The following DLGAP2 variants were observed in gnomAD, a reference collection of about 807,000 sequenced individuals.
DLGAP2 encodes disks large-associated protein 2.
DLGAP2 carries 26 observed loss-of-function variants against 100.3 expected under a neutral mutation model. That is an observed-to-expected ratio of 0.26 (90% CI 0.19 to 0.36). The LOEUF (loss-of-function observed/expected upper bound fraction) is 0.36, where lower values mean the gene tolerates loss of function less well. DLGAP2 is among the 10% of genes least tolerant of loss of function. DLGAP2 has a pLI of 1.00. For synonymous variants in DLGAP2, 886 were observed against 630.1 expected (o/e 1.41, Z -6.08); for missense variants, 1,858 against 1,453.2 (o/e 1.28, Z -4.53).
At chr8:756,091 T>G (rs569767806) in intron 1 of DLGAP2, among the ~76,000 whole-genome samples, 1 of 152,260 alleles carries the variant, frequency 6.6e-6, no homozygotes, top group Admixed American at 6.5e-5. Context: ...GTTAGCGGCT[T>G]TTTTTGTGCT....
At chr8:1,224,910 T>C (rs1174518765) in intron 2 of DLGAP2, among the ~76,000 whole-genome samples, 1 of 152,246 alleles carries the variant, frequency 6.6e-6, no homozygotes, top group Admixed American at 6.5e-5. Flanking sequence ...CTAGGATGGC[T>C]GTTGGTGACA....
chr8:1,499,619 T>C (rs973217177), intron 3 of DLGAP2, among the ~76,000 whole-genome samples: 2 of 152,184 alleles, frequency 1.3e-5, no homozygotes, highest in Admixed American at 6.5e-5. Flanking sequence ...ATGCAAAAAG[T>C]GCTGTTAGCC....
intron 1 of DLGAP2, among the ~76,000 whole-genome samples, chr8:766,616 C>T (rs1172958562): frequency 6.6e-6 from 1 of 152,170 alleles, no homozygotes; most frequent in East Asian, 1.9e-4. Context: ...GGCAAGCACG[C>T]ACATGCATGA....
intron 2 of DLGAP2, among the ~76,000 whole-genome samples, chr8:1,005,405 GTT>G (rs34780471): frequency 2.5e-4 from 25 of 99,196 alleles, no homozygotes; most frequent in Admixed American, 5.4e-4. Context: ...AACTCCACTT[GTT>G]TTTTTTTTTT....
At chr8:1,337,013 C>G (rs375133777) in intron 3 of DLGAP2, among the ~76,000 whole-genome samples, 1 of 152,146 alleles carries the variant, frequency 6.6e-6, no homozygotes, top group African/African-American at 2.4e-5. Flanking sequence ...GGCAATGAGT[C>G]TCTAGAATAG....
chr8:1,320,912 T>C (rs944826041), intron 3 of DLGAP2, among the ~76,000 whole-genome samples: 1 of 152,130 alleles, frequency 6.6e-6, no homozygotes, highest in Non-Finnish European at 1.5e-5. Flanking sequence ...TGTAGGGGCA[T>C]GTGTGTGCAT....
At chr8:888,954 G>T (rs1584864887) in intron 1 of DLGAP2, among the ~76,000 whole-genome samples, 1 of 152,132 alleles carries the variant, frequency 6.6e-6, no homozygotes, top group African/African-American at 2.4e-5. Context: ...CTGGATGCAG[G>T]TGGGCTGAGT....
intron 2 of DLGAP2, among the ~76,000 whole-genome samples, chr8:1,148,173 C>T (rs1358386721): frequency 6.6e-6 from 1 of 151,944 alleles, no homozygotes; most frequent in Non-Finnish European, 1.5e-5. Context: ...TTTATTTCTT[C>T]TTGTGTCAGT....
intron 2 of DLGAP2, among the ~76,000 whole-genome samples, chr8:1,075,786 G>A (rs957613263): frequency 3.3e-5 from 5 of 152,038 alleles, no homozygotes; most frequent in Admixed American, 3.3e-4. Context: ...TAGCTCAGAG[G>A]CCGGGTGTCC....
At chr8:1,526,445 C>A (rs972081178) in intron 4 of DLGAP2, among the ~76,000 whole-genome samples, 6 of 152,064 alleles carry the variant, frequency 3.9e-5, no homozygotes, top group African/African-American at 1.4e-4. Context: ...ACTCATTCAA[C>A]TTAGACTCCG....
intron 2 of DLGAP2, among the ~76,000 whole-genome samples, chr8:1,194,135 A>T (rs1190374226): frequency 6.6e-6 from 1 of 152,080 alleles, no homozygotes; most frequent in Admixed American, 6.5e-5. Context: ...AAAGTGAGTA[A>T]GACACAGTCC....
At chr8:1,097,312 C>T (rs1320605196) in intron 2 of DLGAP2, among the ~76,000 whole-genome samples, 2 of 131,554 alleles carry the variant, frequency 1.5e-5, no homozygotes, top group Non-Finnish European at 3.2e-5. Context: ...CAGGCCTTCA[C>T]CCTCTGTGGC....
intron 2 of DLGAP2, among the ~76,000 whole-genome samples, chr8:1,104,465 G>C (rs1804688212): frequency 6.6e-6 from 1 of 152,222 alleles, no homozygotes; most frequent in Non-Finnish European, 1.5e-5. Flanking sequence ...GTGTGGGCCA[G>C]AGCAGATGCC....
chr8:834,113 T>C (rs1796829768), intron 1 of DLGAP2, among the ~76,000 whole-genome samples: 1 of 152,174 alleles, frequency 6.6e-6, no homozygotes, highest in Non-Finnish European at 1.5e-5. Context: ...CAACTCAGCG[T>C]TGCCTAGTAC....
chr8:1,606,078 G>T (rs1796786818), intron 6 of DLGAP2, among the ~76,000 whole-genome samples: 1 of 152,150 alleles, frequency 6.6e-6, no homozygotes, highest in Admixed American at 6.6e-5. Context: ...TAACTCTGCT[G>T]CCCCAGAGCT....
intron 1 of DLGAP2, among the ~76,000 whole-genome samples, chr8:776,017 A>G (rs1296562561): frequency 6.6e-6 from 1 of 151,940 alleles, no homozygotes; most frequent in African/African-American, 2.4e-5. Flanking sequence ...GATTATTGCC[A>G]CAATTTCAGA....
chr8:979,651 G>C (rs75249870), intron 2 of DLGAP2, among the ~76,000 whole-genome samples: 1 of 152,170 alleles, frequency 6.6e-6, no homozygotes, highest in East Asian at 1.9e-4. Context: ...CCCTCTGAGC[G>C]TCAGGAAGGG....
intron 2 of DLGAP2, among the ~76,000 whole-genome samples, chr8:1,076,872 A>G (rs1225758134): frequency 7.5e-6 from 1 of 133,922 alleles, no homozygotes; most frequent in South Asian, 2.8e-4. Context: ...GGCCCCCCCA[A>G]TACCAAGAGG....
chr8:819,673 A>T (rs1796549456), intron 1 of DLGAP2, among the ~76,000 whole-genome samples: 1 of 152,250 alleles, frequency 6.6e-6, no homozygotes, highest in African/African-American at 2.4e-5. Context: ...AGTAGTGGAA[A>T]AGTAGGCGCA....
Sources: allele counts gnomAD v4.1 joint callset (sites outside exome capture counted in the v4.1 genomes callset), GRCh38; gene constraint gnomAD v4.1.1; transcripts MANE v1.5; gene names NCBI Gene and HGNC (gene_info 2026-07-23, HGNC 2026-07-21).